The following PATL2 variants were observed in gnomAD, a reference collection of about 807,000 sequenced individuals.
PATL2 encodes PAT1 homolog 2, also known as protein PAT1 homolog 2.
Under a neutral mutation model 77.0 loss-of-function variants are expected in PATL2, and 73 were observed. That is an observed-to-expected ratio of 0.95 (90% CI 0.78 to 1.15). PATL2 has a LOEUF of 1.15. Ranked by LOEUF, PATL2 falls within the 50% of genes most tolerant of loss-of-function variation. The pLI, the probability that PATL2 is intolerant of heterozygous loss-of-function variation, is 0.00. For missense variants in PATL2, 618 were observed against 655.4 expected (o/e 0.94, Z 0.62); for synonymous variants, 265 against 257.1 (o/e 1.03, Z -0.29).
At chr15:44,689,533 G>T (rs1216373945) in intron 3 of PATL2, among the ~76,000 whole-genome samples, 1 of 152,134 alleles carries the variant, frequency 6.6e-6, no homozygotes, top group South Asian at 2.1e-4. Context: ...ATGCAGCCAT[G>T]AAAAAGGATG....
At position 44,673,309 on chromosome 15, in the gene PATL2, G is replaced by C. The variant is rs1349622127; in HGVS notation, c.372C>G (p.His124Gln). 1 of 1,551,572 alleles carries C rather than the reference G, an allele frequency of 6.4e-7. No individual in the cohort carries two copies. The change falls in exon 7 of 18, where the codon CAC becomes CAG. Residue 124 changes from histidine to glutamine, a missense_variant. Coordinates refer to ENST00000682850, the MANE Select transcript of PATL2 (RefSeq NM_001387263.1). ...CTGGTGAGGGCAGCCGAGGTCCAAA[G>C]TGCTGTGCTGGAGAGCTGGTGCTGG... ...TFPSTSSPAQHFGPRLPSPDP... is the reference protein window; with the variant it reads ...TFPSTSSPAQQFGPRLPSPDP...
At chr15:44,684,173 AC>A (rs1241919621) in intron 3 of PATL2, among the ~76,000 whole-genome samples, 2 of 152,172 alleles carry the variant, frequency 1.3e-5, no homozygotes, top group East Asian at 1.9e-4. Flanking sequence ...AATTCTAAAA[AC>A]CAGAACATCC....
intron 3 of PATL2, among the ~76,000 whole-genome samples, chr15:44,701,894 G>A (rs972107045): frequency 6.6e-6 from 1 of 151,912 alleles, no homozygotes; most frequent in Non-Finnish European, 1.5e-5. Context: ...TTTGGAGCAA[G>A]AGGTGGTGGG....
At chr15:44,681,684 A>G (rs982259532) in intron 3 of PATL2, among the ~76,000 whole-genome samples, 7 of 152,220 alleles carry the variant, frequency 4.6e-5, no homozygotes, top group Non-Finnish European at 8.8e-5. Flanking sequence ...AAAGGGATCA[A>G]GGATCTGCAA....
At chr15:44,684,794 A>G (rs914083395) in intron 3 of PATL2, among the ~76,000 whole-genome samples, 3 of 152,196 alleles carry the variant, frequency 2.0e-5, no homozygotes, top group Non-Finnish European at 4.4e-5. Context: ...ACACATAATC[A>G]TCAGATCCAC....
chr15:44,669,651 A>T, intron 11 of PATL2, 88 bp from the exon 12 acceptor site: 3 of 1,515,540 alleles, frequency 2.0e-6, no homozygotes, highest in Non-Finnish European at 2.7e-6. Context: ...ATTGAGCTGG[A>T]AAGGCTAGAA....
chr15:44,710,236 C>G (rs1323966316), intron 2 of PATL2, among the ~76,000 whole-genome samples, 22 bp from the exon 3 acceptor site: 2 of 152,140 alleles, frequency 1.3e-5, no homozygotes, highest in Non-Finnish European at 2.9e-5. Context: ...TAAAAGAAAC[C>G]TAGAAGTTAT....
chr15:44,702,319 AT>A (rs2086646329), intron 3 of PATL2, among the ~76,000 whole-genome samples: 1 of 147,940 alleles, frequency 6.8e-6, no homozygotes, highest in East Asian at 2.0e-4. Flanking sequence ...AATTTCTTTG[AT>A]ATTGGTTGTA....
intron 16 of PATL2, 158 bp from the exon 17 acceptor site, chr15:44,666,699 A>G: frequency 1.4e-6 from 1 of 700,600 alleles, no homozygotes; most frequent in Non-Finnish European, 2.3e-6. Context: ...GTGCCAAGCA[A>G]TGCTTAGTGC....
At chr15:44,698,692 T>G (rs2086565023) in intron 3 of PATL2, among the ~76,000 whole-genome samples, 1 of 152,266 alleles carries the variant, frequency 6.6e-6, no homozygotes, top group South Asian at 2.1e-4. Context: ...TGAATAGTGC[T>G]GCAATAAACA....
At position 44,669,279 on chromosome 15, in the gene PATL2, C is replaced by T. The variant is rs1311757969; in HGVS notation, c.1064+1G>A. ...CTGAGGTGGAACCCTCCCACACTCACTCCAGGTTGTTCTGCTCCTGGGTCT... is the reference window on the plus strand; with the variant it reads ...CTGAGGTGGAACCCTCCCACACTCATTCCAGGTTGTTCTGCTCCTGGGTCT... On this transcript the variant is annotated splice_donor_variant, in intron 13 of 17. Transcript: ENST00000682850. LOFTEE classifies it high-confidence loss of function. The T allele has an allele frequency of 1.3e-6, 2 of 1,547,892 alleles. No homozygotes were observed. Among genetic ancestry groups the T allele is most frequent in the Non-Finnish European group, 1.7e-6 (2 of 1,143,874 alleles).
chr15:44,692,868 GA>G (rs1481705594), intron 3 of PATL2, among the ~76,000 whole-genome samples: 12 of 152,252 alleles, frequency 7.9e-5, no homozygotes. Flanking sequence ...GCACTGCCAG[GA>G]CTCTGGCCTG....
chr15:44,707,729 C>T (rs1411997135), intron 3 of PATL2, among the ~76,000 whole-genome samples: 9 of 152,208 alleles, frequency 5.9e-5, no homozygotes. Flanking sequence ...CCTTGGCCAT[C>T]CCAGCTAGTG....
intron 3 of PATL2, among the ~76,000 whole-genome samples, chr15:44,692,094 C>T (rs1388862608): frequency 6.6e-6 from 1 of 152,122 alleles, no homozygotes; most frequent in Non-Finnish European, 1.5e-5. Context: ...GAAATAGATA[C>T]ACTGTCCATG....
intron 3 of PATL2, among the ~76,000 whole-genome samples, chr15:44,677,400 T>C (rs1022934451): frequency 1.3e-5 from 2 of 152,122 alleles, no homozygotes; most frequent in Non-Finnish European, 2.9e-5. Flanking sequence ...CCCTGTGAAT[T>C]TGGAAGTCAG....
At chr15:44,669,630 A>T in intron 11 of PATL2, 67 bp from the exon 12 acceptor site, 1 of 1,525,338 alleles carries the variant, frequency 6.6e-7, no homozygotes, top group Non-Finnish European at 8.9e-7. Flanking sequence ...CAGGCCCCCA[A>T]CTAGCTAGAG....
intron 5 of PATL2, 100 bp from the exon 6 acceptor site, chr15:44,674,330 A>G: frequency 1.1e-6 from 1 of 910,458 alleles, no homozygotes. Context: ...CAGCAAGACC[A>G]GGTGTTCCAA....
At chr15:44,675,727 T>C (rs1312867048) in intron 4 of PATL2, 36 bp from the exon 5 acceptor site, 1 of 1,512,074 alleles carries the variant, frequency 6.6e-7, no homozygotes, top group Admixed American at 2.1e-5. Context: ...GAAGGTAAGA[T>C]GGGGCTCAGC....
At chr15:44,688,086 A>G (rs2086302240) in intron 3 of PATL2, among the ~76,000 whole-genome samples, 1 of 151,990 alleles carries the variant, frequency 6.6e-6, no homozygotes, top group Admixed American at 6.6e-5. Context: ...CTCTACTAAA[A>G]ATACAAAAAA....
Sources: allele counts gnomAD v4.1 joint callset (sites outside exome capture counted in the v4.1 genomes callset), GRCh38; gene constraint gnomAD v4.1.1; transcripts MANE v1.5; gene names NCBI Gene and HGNC (gene_info 2026-07-23, HGNC 2026-07-21).